Variants in PTPRG observed in about 807,000 individuals in gnomAD.
PTPRG encodes the protein protein tyrosine phosphatase receptor type G, also known as receptor-type tyrosine-protein phosphatase gamma.
Under a neutral mutation model 165.3 loss-of-function variants are expected in PTPRG, and 102 were observed. The observed-to-expected ratio is 0.62, with a 90% CI of 0.53 to 0.73. PTPRG has a LOEUF of 0.73. Among genes scored for constraint, PTPRG ranks in the 30% least tolerant of loss-of-function variants. The pLI, the probability that PTPRG is intolerant of heterozygous loss-of-function variation, is 0.00. For missense variants in PTPRG, 1,866 were observed against 1,861.4 expected (o/e 1.00, Z -0.05); for synonymous variants, 675 against 669.5 (o/e 1.01, Z -0.13).
chr3:62,262,776 A>C, intron 16 of PTPRG, 22 bp from the exon 17 acceptor site: 3 of 1,568,834 alleles, frequency 1.9e-6, no homozygotes, highest in Non-Finnish European at 2.6e-6. Context: ...TGTGTCTATA[A>C]TCTTGCTGTT....
intron 7 of PTPRG, among the ~76,000 whole-genome samples, chr3:62,158,113 C>A (rs568460374): frequency 5.9e-5 from 9 of 152,078 alleles, no homozygotes; most frequent in Non-Finnish European, 1.3e-4. Context: ...TTAGGCTGGG[C>A]AGTTAACTGT....
intron 1 of PTPRG, among the ~76,000 whole-genome samples, chr3:61,569,871 A>G (rs2106769489): frequency 6.6e-6 from 1 of 152,342 alleles, no homozygotes; most frequent in East Asian, 1.9e-4. Flanking sequence ...GAAGTCTGAG[A>G]TATCACCTTG....
chr3:61,598,264 G>A (rs1443638035), intron 1 of PTPRG, among the ~76,000 whole-genome samples: 1 of 152,190 alleles, frequency 6.6e-6, no homozygotes, highest in Non-Finnish European at 1.5e-5. Flanking sequence ...GTTGATGAAT[G>A]GGTCCGCATT....
At chr3:61,689,790 GA>G (rs1366782278) in intron 1 of PTPRG, among the ~76,000 whole-genome samples, 3 of 152,148 alleles carry the variant, frequency 2.0e-5, no homozygotes, top group Non-Finnish European at 4.4e-5. Context: ...CAAAATAGAA[GA>G]AATCTATCTC....
intron 1 of PTPRG, among the ~76,000 whole-genome samples, chr3:61,748,207 T>G (rs1359238944): frequency 1.3e-5 from 2 of 152,228 alleles, no homozygotes; most frequent in Non-Finnish European, 2.9e-5. Context: ...CCAAAGGATG[T>G]GGAAGACTGG....
Position 61,600,179 on chromosome 3 carries a change from T to A in PTPRG, c.85+37807T>A, listed in dbSNP as rs1292645711. Among the ~76,000 whole-genome samples the A allele has an allele frequency of 8.9e-4, 120 of 134,374 alleles. 1 individual carries two copies. The highest frequency in any genetic ancestry group is 2.5e-3 in the African/African-American group (91 of 36,310). The allele number at this position is 134,374 out of a possible 152,430, so 88.2% of individuals were successfully genotyped here. ...TGTCTCAAAAAAAAAAAAAAATATA[T>A]ATATATATATATATGTGTGTGTGTG... On this transcript the variant is annotated intron_variant, in intron 1 of 29. Transcript: ENST00000474889.
At chr3:61,978,390 T>G (rs1010163722) in intron 2 of PTPRG, among the ~76,000 whole-genome samples, 3 of 152,234 alleles carry the variant, frequency 2.0e-5, no homozygotes, top group Non-Finnish European at 4.4e-5. Flanking sequence ...AACTGCTTCT[T>G]ATACTTTTAT....
At chr3:62,018,035 G>C (rs933824284) in intron 4 of PTPRG, among the ~76,000 whole-genome samples, 1 of 152,182 alleles carries the variant, frequency 6.6e-6, no homozygotes, top group East Asian at 1.9e-4. Context: ...GAAGTTGCCA[G>C]ATTCCTTTCC....
intron 2 of PTPRG, among the ~76,000 whole-genome samples, chr3:61,825,653 T>C (rs2036085687): frequency 7.2e-6 from 1 of 137,984 alleles, no homozygotes; most frequent in South Asian, 2.8e-4. Flanking sequence ...TTTCTTAGGT[T>C]TTTTTTTTTG....
At position 61,702,012 on chromosome 3, in the gene PTPRG, T is replaced by C. The variant is rs569495995; in HGVS notation, c.86-46866T>C. Reference sequence around the variant, plus strand: ...TTTATTTTTTGAGACAGGGTCTCACTCTGTTGCCCAGGCTGGAGTGCAGTG... The same window carrying C: ...TTTATTTTTTGAGACAGGGTCTCACCCTGTTGCCCAGGCTGGAGTGCAGTG... On this transcript the variant is annotated intron_variant, in intron 1 of 29. Transcript: ENST00000474889. Among the ~76,000 whole-genome samples the C allele has an allele frequency of 7.2e-5, 11 of 151,966 alleles. No homozygotes were observed. The South Asian group carries it at 2.3e-3, about 32-fold the overall frequency.
At chr3:61,906,052 T>A (rs1374381642) in intron 2 of PTPRG, among the ~76,000 whole-genome samples, 1 of 152,200 alleles carries the variant, frequency 6.6e-6, no homozygotes, top group African/African-American at 2.4e-5. Flanking sequence ...TTTTTTTAGC[T>A]CTAAAAGTAC....
intron 2 of PTPRG, chr3:61,770,010 G>T (rs989294915): frequency 6.6e-6 from 1 of 152,162 alleles, no homozygotes; most frequent in Non-Finnish European, 1.5e-5. Flanking sequence ...TGGTAAAGGT[G>T]GCTGTGATTT....
At chr3:61,753,865 G>C (rs1203546730) in intron 2 of PTPRG, among the ~76,000 whole-genome samples, 1 of 151,930 alleles carries the variant, frequency 6.6e-6, no homozygotes, top group Non-Finnish European at 1.5e-5. Context: ...CAAAGTGCTG[G>C]GATTACAAGT....
Position 62,237,521 on chromosome 3 carries a change from G to A in PTPRG, c.2375+6210G>A, listed in dbSNP as rs1303837061. Among the ~76,000 whole-genome samples the A allele has an allele frequency of 6.6e-6, 1 of 152,160 alleles. No individual in the cohort carries two copies. Among genetic ancestry groups the A allele is most frequent in the Non-Finnish European group, 1.5e-5 (1 of 68,008 alleles). Reference sequence around the variant, plus strand: ...ACGTTGACAGCTGATACTGGCCGATGTGTTTCACATCCTGACTAAAAGATG... The same window carrying A: ...ACGTTGACAGCTGATACTGGCCGATATGTTTCACATCCTGACTAAAAGATG... On this transcript the variant is annotated intron_variant, in intron 14 of 29. Coordinates refer to ENST00000474889, the MANE Select transcript of PTPRG (RefSeq NM_002841.4). The surrounding 1 kb of genome is among the most constrained non-coding windows in gnomAD (Gnocchi z 4.5).
intron 1 of PTPRG, among the ~76,000 whole-genome samples, chr3:61,716,356 A>T (rs964556651): frequency 6.6e-6 from 1 of 152,228 alleles, no homozygotes; most frequent in African/African-American, 2.4e-5. Flanking sequence ...TATCTCAACT[A>T]GGAGACAGAA....
intron 5 of PTPRG, among the ~76,000 whole-genome samples, chr3:62,098,983 T>A (rs1370194284): frequency 6.6e-6 from 1 of 152,202 alleles, no homozygotes; most frequent in Admixed American, 6.5e-5. Flanking sequence ...ACAGACACAT[T>A]GTGAGATGAT....
intron 27 of PTPRG, 102 bp downstream of exon 27, chr3:62,281,811 C>A: frequency 1.7e-6 from 2 of 1,153,926 alleles, no homozygotes; most frequent in Non-Finnish European, 2.4e-6. Flanking sequence ...CAGGCTCAGG[C>A]ATTTGAGTAA....
At chr3:61,871,004 G>T (rs1339474882) in intron 2 of PTPRG, among the ~76,000 whole-genome samples, 1 of 151,994 alleles carries the variant, frequency 6.6e-6, no homozygotes, top group Non-Finnish European at 1.5e-5. Flanking sequence ...TGTTTGTTTA[G>T]ACTGTCAGTC....
In PTPRG at chr3:62,296,632, T is replaced by C. The variant is rs1366362630; in HGVS notation, c.*3325T>C. The stretch of plus-strand genomic sequence containing the variant: ...CAAATGGTGCCAGTGAATTTTTATA[T>C]GAAGGGAAAATGCCTGCTTTTTTTT... On this transcript the variant is annotated 3_prime_UTR_variant, in exon 30 of 30. Coordinates refer to ENST00000474889, the MANE Select transcript of PTPRG (RefSeq NM_002841.4). 1 of 151,638 alleles carries C rather than the reference T, an allele frequency of 6.6e-6. No homozygotes were observed. The highest frequency in any genetic ancestry group is 1.9e-4 in the East Asian group (1 of 5,184). 9.4% of individuals were successfully genotyped at this position (151,638 alleles called of 1,614,324 possible).
Sources: allele counts gnomAD v4.1 joint callset (sites outside exome capture counted in the v4.1 genomes callset), GRCh38; gene constraint gnomAD v4.1.1; non-coding constraint Gnocchi (gnomAD v3.1); transcripts MANE v1.5; gene names NCBI Gene and HGNC (gene_info 2026-07-23, HGNC 2026-07-21).